The following PHIP variants were observed in gnomAD, a reference collection of about 807,000 sequenced individuals.
PHIP encodes the protein PHIP subunit of CUL4-Ring ligase complex.
Under a neutral mutation model 236.8 loss-of-function variants are expected in PHIP, and 54 were observed. The ratio of observed to expected loss-of-function variants is 0.23; its 90% CI spans 0.18 to 0.29. The LOEUF is 0.29. Among genes scored for constraint, PHIP ranks in the 10% least tolerant of loss-of-function variants. The probability of loss-of-function intolerance (pLI) is 1.00; values close to 1 mark genes in which losing one functional copy is unlikely to be tolerated. For synonymous variants in PHIP, 756 were observed against 718.9 expected, an observed-to-expected ratio of 1.05 and a Z score of -0.83; for missense variants, 1,370 against 2,190.8, an observed-to-expected ratio of 0.63 and a Z score of 7.48.
chr6:79,003,104 T>C (rs1241649218), intron 16 of PHIP, among the ~76,000 whole-genome samples: 1 of 152,072 alleles, frequency 6.6e-6, no homozygotes, highest in African/African-American at 2.4e-5. Context: ...AAAGTTGGGG[T>C]CTTTAACTGC....
intron 7 of PHIP, among the ~76,000 whole-genome samples, chr6:79,036,065 T>C (rs989454618): frequency 2.6e-5 from 4 of 152,184 alleles, no homozygotes; most frequent in African/African-American, 9.7e-5. Flanking sequence ...CACTACGAAT[T>C]CATGAATCTC....
Position 78,954,796 on chromosome 6 carries a change from AT to A in PHIP, c.4053+17del, listed in dbSNP as rs780792084. On this transcript the variant is annotated intron_variant, in intron 35 of 39. Transcript: ENST00000275034. Reference sequence around the variant, plus strand: ...TAGCAAACTGACAGGTAAAGAAAATATTTTCAAAAATACTTACTGGATATTC... The same window carrying A: ...TAGCAAACTGACAGGTAAAGAAAATATTTCAAAAATACTTACTGGATATTC... 1.3e-6 allele frequency: 2 copies of A among 1,546,334 alleles called. No individual in the cohort carries two copies. The highest frequency in any genetic ancestry group is 2.4e-5 in the East Asian group (1 of 42,472).
chr6:79,050,327 T>A (rs1772728068), intron 6 of PHIP, among the ~76,000 whole-genome samples: 1 of 152,152 alleles, frequency 6.6e-6, no homozygotes, highest in Non-Finnish European at 1.5e-5. Context: ...CATTTAATCC[T>A]CCCTAATCCT....
chr6:78,952,407 G>C (rs1284305872), intron 35 of PHIP, among the ~76,000 whole-genome samples: 3 of 127,528 alleles, frequency 2.4e-5, no homozygotes, highest in African/African-American at 9.0e-5. Flanking sequence ...GACAGAGTGA[G>C]ACTCTGTCCC....
intron 6 of PHIP, among the ~76,000 whole-genome samples, chr6:79,054,256 T>G (rs1018738383): frequency 6.9e-6 from 1 of 145,200 alleles, no homozygotes; most frequent in Admixed American, 6.9e-5. Flanking sequence ...CTGTGTCAAA[T>G]AGAAATATGA....
chr6:79,043,438 C>A (rs567647262), intron 6 of PHIP, among the ~76,000 whole-genome samples: 1 of 152,030 alleles, frequency 6.6e-6, no homozygotes, highest in Non-Finnish European at 1.5e-5. Flanking sequence ...CTTGAACACT[C>A]GAAATCTGAC....
intron 39 of PHIP, among the ~76,000 whole-genome samples, chr6:78,943,850 A>G (rs1455474409): frequency 6.6e-6 from 1 of 151,916 alleles, no homozygotes; most frequent in Non-Finnish European, 1.5e-5. Context: ...GCCAGGTGTG[A>G]TGGCACACAC....
chr6:79,077,330 G>A, intron 4 of PHIP, 118 bp downstream of exon 4: 2 of 966,050 alleles, frequency 2.1e-6, no homozygotes, highest in East Asian at 2.7e-5. Flanking sequence ...CCTCCCCATG[G>A]CCTTTGGAGC....
In PHIP at chr6:78,946,125, A is replaced by T; in HGVS notation, c.4506T>A (p.Ser1502=). Residue 1502 remains serine (S), a synonymous_variant, in exon 38 of 40, where the codon TCT becomes TCA. Transcript: ENST00000275034. ...CTCGGTTGCTTCTGGTTCGAACCACAGAACTAGATTCTGTTTTACCGTTTA... is the reference window on the plus strand; with the variant it reads ...CTCGGTTGCTTCTGGTTCGAACCACTGAACTAGATTCTGTTTTACCGTTTA... ...AQINGKTESS[S]VVRTRSNRVV... The T allele has an allele frequency of 6.2e-7, 1 of 1,614,140 alleles. No homozygotes were observed. The highest frequency in any genetic ancestry group is 8.5e-7 in the Non-Finnish European group (1 of 1,179,964).
At chr6:79,076,611 A>C (rs952139512) in intron 4 of PHIP, among the ~76,000 whole-genome samples, 2 of 152,218 alleles carry the variant, frequency 1.3e-5, no homozygotes, top group African/African-American at 4.8e-5. Flanking sequence ...TTTTTAAGCT[A>C]TTAAACAAAA....
At chr6:79,068,494 C>T (rs140163935) in intron 4 of PHIP, among the ~76,000 whole-genome samples, 15 of 152,156 alleles carry the variant, frequency 9.9e-5, no homozygotes, top group Non-Finnish European at 1.9e-4. Flanking sequence ...AAAAACCCCA[C>T]GAAATCTCAA....
At chr6:78,989,803 A>G (rs769980696) in intron 20 of PHIP, among the ~76,000 whole-genome samples, 1 of 152,212 alleles carries the variant, frequency 6.6e-6, no homozygotes, top group East Asian at 1.9e-4. Context: ...TCATCATTAT[A>G]TAAGTTTATC....
At chr6:78,942,088 C>G (rs1030835515) in intron 39 of PHIP, among the ~76,000 whole-genome samples, 1 of 152,160 alleles carries the variant, frequency 6.6e-6, no homozygotes, top group Admixed American at 6.5e-5. Flanking sequence ...TTGCAATGCT[C>G]TATTTTTGAG....
rs1287799541 is a variant in PHIP at position 78,939,652 on chromosome 6, TG to T, written c.*1040del. ...ACATACACACACAGACACGTTTCTT[TG>T]TAAGTCATTTTAGGCTATTAGATAT... On this transcript the variant is annotated 3_prime_UTR_variant, in exon 40 of 40. Coordinates refer to ENST00000275034, the MANE Select transcript of PHIP (RefSeq NM_017934.7). 1 of 151,946 alleles carries T rather than the reference TG, an allele frequency of 6.6e-6. No homozygotes were observed. Among genetic ancestry groups the T allele is most frequent in the Non-Finnish European group, 1.5e-5 (1 of 67,804 alleles). The allele number at this position is 151,946 out of a possible 1,614,324, so 9.4% of individuals were successfully genotyped here.
At chr6:79,059,032 T>A (rs1301883230) in intron 6 of PHIP, among the ~76,000 whole-genome samples, 4 of 152,092 alleles carry the variant, frequency 2.6e-5, no homozygotes, top group African/African-American at 7.2e-5. Context: ...AGCAAGATTA[T>A]ATATTGAAAT....
intron 25 of PHIP, among the ~76,000 whole-genome samples, 174 bp downstream of exon 25, chr6:78,970,607 T>C (rs891484581): frequency 2.0e-5 from 3 of 152,162 alleles, no homozygotes; most frequent in Admixed American, 6.5e-5. Flanking sequence ...CAGTCAAATC[T>C]TGTGTTTCTC....
At chr6:78,947,419 A>G (rs1466063461) in intron 36 of PHIP, among the ~76,000 whole-genome samples, 1 of 152,228 alleles carries the variant, frequency 6.6e-6, no homozygotes, top group Non-Finnish European at 1.5e-5. Context: ...AAAAGTAACC[A>G]TTCCCAGACA....
chr6:79,006,872 A>G (rs1283249807), intron 15 of PHIP, among the ~76,000 whole-genome samples: 1 of 152,098 alleles, frequency 6.6e-6, no homozygotes, highest in Non-Finnish European at 1.5e-5. Flanking sequence ...AATAAGGTTT[A>G]GCTGAGATAA....
At chr6:78,952,317 G>T (rs1451374554) in intron 35 of PHIP, among the ~76,000 whole-genome samples, 1 of 151,482 alleles carries the variant, frequency 6.6e-6, no homozygotes, top group Non-Finnish European at 1.5e-5. Flanking sequence ...TACTCGTGAG[G>T]CCGAGGCAGG....
Sources: allele counts gnomAD v4.1 joint callset (sites outside exome capture counted in the v4.1 genomes callset), GRCh38; gene constraint gnomAD v4.1.1; transcripts MANE v1.5; gene names NCBI Gene and HGNC (gene_info 2026-07-23, HGNC 2026-07-21).